The following CCDC178 variants were observed in gnomAD, a reference collection of about 807,000 sequenced individuals.
CCDC178 encodes the protein coiled-coil domain containing 178, also known as coiled-coil domain-containing protein 178.
Under a neutral mutation model 117.4 loss-of-function variants are expected in CCDC178, and 126 were observed. The ratio of observed to expected loss-of-function variants is 1.07; its 90% CI spans 0.93 to 1.24. CCDC178 has a LOEUF of 1.24. CCDC178 is among the 50% of genes most tolerant of loss of function. The probability of loss-of-function intolerance (pLI) is 0.00; values close to 1 mark genes in which losing one functional copy is unlikely to be tolerated. For missense variants in CCDC178, 1,030 were observed against 986.9 expected (o/e 1.04, Z -0.59); for synonymous variants, 283 against 313.4 (o/e 0.90, Z 1.02).
chr18:33,258,786 A>T (rs2059709317), intron 14 of CCDC178, among the ~76,000 whole-genome samples: 1 of 152,168 alleles, frequency 6.6e-6, no homozygotes, highest in Non-Finnish European at 1.5e-5. Flanking sequence ...AATCATAGTT[A>T]TGTTATTAAA....
chr18:32,981,294 C>A (rs1235123144), intron 21 of CCDC178, among the ~76,000 whole-genome samples: 1 of 151,852 alleles, frequency 6.6e-6, no homozygotes, highest in Non-Finnish European at 1.5e-5. Context: ...GTAAAAATGG[C>A]ATTAAAAAAA....
chr18:33,368,956 T>C (rs1247266451), intron 6 of CCDC178, among the ~76,000 whole-genome samples: 1 of 151,970 alleles, frequency 6.6e-6, no homozygotes, highest in Non-Finnish European at 1.5e-5. Context: ...TTTATCATTT[T>C]TAACAACATG....
In CCDC178 at chr18:33,267,093, T is replaced by C. The variant is rs921356474; in HGVS notation, c.1273-41A>G. 8 of 1,551,758 alleles carry C rather than the reference T, an allele frequency of 5.2e-6. No homozygotes were observed. The African/African-American group carries it at 1.1e-4, about 22-fold the overall frequency. ...AAAAGAATCATTCATACATGTCTAATTATCAAAAGGCAAAACCTATAATAA... is the reference window on the plus strand; with the variant it reads ...AAAAGAATCATTCATACATGTCTAACTATCAAAAGGCAAAACCTATAATAA... On this transcript the variant is annotated intron_variant, in intron 13 of 22. Transcript: ENST00000383096.
At chr18:33,082,730 T>A (rs1471806827) in intron 21 of CCDC178, among the ~76,000 whole-genome samples, 2 of 151,502 alleles carry the variant, frequency 1.3e-5, no homozygotes, top group East Asian at 1.9e-4. Flanking sequence ...ATAATAAAAA[T>A]ATATATAAAT....
chr18:33,426,990 C>G (rs887162153), intron 2 of CCDC178, among the ~76,000 whole-genome samples: 31 of 152,018 alleles, frequency 2.0e-4, no homozygotes, highest in Admixed American at 1.2e-3. Context: ...AATATTTGCT[C>G]TTAATGTGAA....
intron 21 of CCDC178, among the ~76,000 whole-genome samples, chr18:33,060,448 C>A (rs1359226769): frequency 6.6e-6 from 1 of 151,966 alleles, no homozygotes; most frequent in African/African-American, 2.4e-5. Flanking sequence ...CAAGCAGATG[C>A]CCAGTTTTCT....
rs1015005038 is a variant in CCDC178, at chr18:33,395,340, A to T, written c.118+1809T>A. Among the ~76,000 whole-genome samples, 3 of 151,968 alleles carry T rather than the reference A, an allele frequency of 2.0e-5. 1 individual carries two copies. Among genetic ancestry groups the T allele is most frequent in the Admixed American group, 2.0e-4 (3 of 15,254 alleles). On this transcript the variant is annotated intron_variant, in intron 4 of 22. Coordinates refer to ENST00000383096, the MANE Select transcript of CCDC178 (RefSeq NM_001105528.4). ...CTTCAAAGGGCCTATAGCACAAAAAATTAGAATGCCTTAACTCCCAACTAA... is the reference window on the plus strand; with the variant it reads ...CTTCAAAGGGCCTATAGCACAAAAATTTAGAATGCCTTAACTCCCAACTAA...
At position 33,030,532 on chromosome 18, in the gene CCDC178, G is replaced by GATAGAT. The variant is rs1230971318; in HGVS notation, c.2389-55857_2389-55852dup. Among the ~76,000 whole-genome samples the GATAGAT allele has an allele frequency of 3.5e-4, 53 of 151,212 alleles. No individual in the cohort carries two copies. In the Admixed American group the frequency reaches 3.5e-3, roughly 10 times the overall value. On this transcript the variant is annotated intron_variant, in intron 21 of 22. Transcript: ENST00000383096. The stretch of plus-strand genomic sequence containing the variant: ...AGACAGAACTGATAGAAGATAGATA[G>GATAGAT]ATAGATAGATAGATAGATAGATAGA...
chr18:33,385,507 A>G (rs1402349754), intron 5 of CCDC178, among the ~76,000 whole-genome samples: 2 of 152,174 alleles, frequency 1.3e-5, no homozygotes, highest in African/African-American at 4.8e-5. Flanking sequence ...ATCATAACAA[A>G]CACTCTCTCA....
intron 2 of CCDC178, among the ~76,000 whole-genome samples, chr18:33,434,641 A>T (rs1299391618): frequency 6.6e-6 from 1 of 152,144 alleles, no homozygotes; most frequent in Non-Finnish European, 1.5e-5. Flanking sequence ...AGCAACTGAG[A>T]TATCAGGAAG....
At position 33,346,229 on chromosome 18, in the gene CCDC178, G is replaced by A. The variant is rs1314108944; in HGVS notation, c.640C>T (p.Pro214Ser). ...TTATTACCTTTCTGCACAGCCAATG[G>A]GAGTTCTTGAAGTTTCCAGACTGAC... ...SWSVWKLQEL[P>S]LAVQKEHEAY... Residue 214 changes from proline (P) to serine (S), a missense_variant, in exon 9 of 23, where the codon CCA becomes TCA. By Grantham distance (74) the Pro-to-Ser change is moderately conservative (BLOSUM62 -1). Coordinates refer to ENST00000383096, the MANE Select transcript of CCDC178 (RefSeq NM_001105528.4). 6.2e-7 allele frequency: 1 copy of A among 1,612,182 alleles called. No individual in the cohort carries two copies. Among genetic ancestry groups the A allele is most frequent in the Non-Finnish European group, 8.5e-7 (1 of 1,178,568 alleles).
rs539209060 is a variant in CCDC178 at position 33,410,450 on chromosome 18, A to T, written c.58+1581T>A. On this transcript the variant is annotated intron_variant, in intron 3 of 22. Transcript: ENST00000383096. The stretch of plus-strand genomic sequence containing the variant: ...ACTCTATAAATGAAAATGAAATAAC[A>T]TTTTTTTTCAATTAATGTTGATAGA... 1.1e-3 allele frequency among the ~76,000 whole-genome samples: 162 copies of T among 152,098 alleles called. 2 individuals carry two copies. Among genetic ancestry groups the T allele is most frequent in the African/African-American group, 3.8e-3 (159 of 41,482 alleles).
At chr18:33,393,482 C>T (rs1465443164) in intron 4 of CCDC178, among the ~76,000 whole-genome samples, 1 of 152,084 alleles carries the variant, frequency 6.6e-6, no homozygotes, top group Non-Finnish European at 1.5e-5. Flanking sequence ...AAATTTTCAT[C>T]ACCCCTGAAA....
chr18:33,048,800 A>G (rs1429029862), intron 21 of CCDC178, among the ~76,000 whole-genome samples: 2 of 152,160 alleles, frequency 1.3e-5, no homozygotes, highest in Admixed American at 1.3e-4. Context: ...TAAAAATAAC[A>G]TATTACAATT....
intron 10 of CCDC178, 52 bp from the exon 11 acceptor site, chr18:33,323,685 A>G (rs2062547942): frequency 8.8e-7 from 1 of 1,132,274 alleles, no homozygotes; most frequent in East Asian, 2.8e-5. Flanking sequence ...TTAATTAAAA[A>G]TAATAACTTC....
chr18:33,122,725 G>T (rs562855792), intron 20 of CCDC178, among the ~76,000 whole-genome samples: 2 of 152,118 alleles, frequency 1.3e-5, no homozygotes, highest in Non-Finnish European at 2.9e-5. Flanking sequence ...TTGACCCAGA[G>T]AATTTGAGAG....
At chr18:33,329,174 C>T (rs1442213171) in intron 10 of CCDC178, among the ~76,000 whole-genome samples, 2 of 152,044 alleles carry the variant, frequency 1.3e-5, no homozygotes, top group African/African-American at 4.8e-5. Flanking sequence ...ATTTTTAGCA[C>T]TAAGAGACTG....
chr18:33,045,310 G>A (rs545460234), intron 21 of CCDC178, among the ~76,000 whole-genome samples: 9 of 152,106 alleles, frequency 5.9e-5, no homozygotes, highest in African/African-American at 9.6e-5. Flanking sequence ...ATGACCTACC[G>A]TGTTAATGTC....
chr18:33,188,912 T>A (rs1183433315), intron 20 of CCDC178, among the ~76,000 whole-genome samples: 3 of 151,990 alleles, frequency 2.0e-5, no homozygotes, highest in African/African-American at 7.2e-5. Context: ...TAATAGAAAA[T>A]TTTCCTGAGG....
Sources: allele counts gnomAD v4.1 joint callset (sites outside exome capture counted in the v4.1 genomes callset), GRCh38; gene constraint gnomAD v4.1.1; transcripts MANE v1.5; gene names NCBI Gene and HGNC (gene_info 2026-07-23, HGNC 2026-07-21).